The following PYGO1 variants were observed in gnomAD, a reference collection of about 807,000 sequenced individuals.
PYGO1 encodes pygopus family PHD finger 1, also known as pygopus homolog 1.
PYGO1 carries 6 observed loss-of-function variants against 29.5 expected under a neutral mutation model. That is an observed-to-expected ratio of 0.20 (90% CI 0.11 to 0.40). The LOEUF (loss-of-function observed/expected upper bound fraction) is 0.40. Among genes scored for constraint, PYGO1 ranks in the 10% least tolerant of loss-of-function variants. The pLI, the probability that PYGO1 is intolerant of heterozygous loss-of-function variation, is 1.00. For missense variants in PYGO1, 515 were observed against 514.9 expected, an observed-to-expected ratio of 1.00 and a Z score of 0.00; for synonymous variants, 186 against 180.5, an observed-to-expected ratio of 1.03 and a Z score of -0.24.
chr15:55,588,890 C>A, upstream of PYGO1: 3 of 1,608,494 alleles, frequency 1.9e-6, no homozygotes, highest in Non-Finnish European at 2.6e-6. Context: ...GTCCGCGTGG[C>A]CGTGGTGTGG....
At chr15:55,581,535 A>G (rs2141677797) in intron 1 of PYGO1, among the ~76,000 whole-genome samples, 1 of 152,322 alleles carries the variant, frequency 6.6e-6, no homozygotes, top group East Asian at 1.9e-4. Context: ...CACTATGGCA[A>G]TGCAGCATAG....
At chr15:55,549,130 T>A in intron 1 of PYGO1, 135 bp from the exon 2 acceptor site, 1 of 576,792 alleles carries the variant, frequency 1.7e-6, no homozygotes, top group Non-Finnish European at 2.7e-6. Flanking sequence ...TTATTATCAT[T>A]ATCTGTTTCA....
At position 55,548,707 on chromosome 15, in the gene PYGO1, TAAAAAAAAAAAAAAAAAAAAAAAAAAA is replaced by T. The variant is rs60796044; in HGVS notation, c.135+176_135+202del. On this transcript the variant is annotated intron_variant, in intron 2 of 2. Transcript: ENST00000563719. ...TCTGGCAACAGAGCAAGAATCCACC[TAAAAAAAAAAAAAAAAAAAAAAAAAAA>T]AAAAAAAAAAAAAAAGAAAGTACCA... is the stretch of plus-strand genomic sequence containing the variant. 1.6e-4 allele frequency among the ~76,000 whole-genome samples: 9 copies of T among 55,448 alleles called. No homozygotes were observed. In the East Asian group the frequency reaches 5.3e-3, roughly 33 times the overall value. 36.4% of individuals were successfully genotyped at this position (55,448 alleles called of 152,430 possible).
chr15:55,569,605 T>C (rs79308842), intron 1 of PYGO1, among the ~76,000 whole-genome samples: 1,704 of 152,342 alleles, frequency 0.011, 16 homozygotes, highest in Middle Eastern at 0.017. Flanking sequence ...AATTGTGTGA[T>C]TTTGAGAGAT....
chr15:55,570,712 T>A (rs1012838199), intron 1 of PYGO1, among the ~76,000 whole-genome samples: 4 of 152,170 alleles, frequency 2.6e-5, no homozygotes, highest in African/African-American at 9.6e-5. Flanking sequence ...TCCAGAATTT[T>A]AAAAAATAAT....
At chr15:55,585,664 T>A (rs2059043370) in intron 1 of PYGO1, among the ~76,000 whole-genome samples, 1 of 152,166 alleles carries the variant, frequency 6.6e-6, no homozygotes, top group African/African-American at 2.4e-5. Context: ...GCCATAGAAC[T>A]TAACAGCAGT....
chr15:55,574,358 T>C (rs1595992137), intron 1 of PYGO1, among the ~76,000 whole-genome samples: 1 of 152,208 alleles, frequency 6.6e-6, no homozygotes, highest in African/African-American at 2.4e-5. Flanking sequence ...TACTGCATCA[T>C]TGTTTACCTT....
intron 1 of PYGO1, among the ~76,000 whole-genome samples, chr15:55,566,378 C>G (rs2058956636): frequency 1.7e-5 from 2 of 115,050 alleles, no homozygotes; most frequent in South Asian, 6.3e-4. Flanking sequence ...CAGTTGCATT[C>G]ATATTGCTAC....
At chr15:55,563,867 A>G (rs191740262) in intron 1 of PYGO1, among the ~76,000 whole-genome samples, 362 of 152,336 alleles carry the variant, frequency 2.4e-3, no homozygotes, top group African/African-American at 8.2e-3. Context: ...CCGCAATGAG[A>G]TAACACTGGG....
At chr15:55,559,536 T>C (rs1280595544) in intron 1 of PYGO1, among the ~76,000 whole-genome samples, 2 of 152,266 alleles carry the variant, frequency 1.3e-5, no homozygotes, top group African/African-American at 4.8e-5. Flanking sequence ...CACACGTATG[T>C]TTACTGCAGC....
intron 1 of PYGO1, among the ~76,000 whole-genome samples, chr15:55,553,648 TG>T (rs748984659): frequency 3.3e-5 from 5 of 152,096 alleles, no homozygotes; most frequent in Non-Finnish European, 5.9e-5. Flanking sequence ...TGACCTCAAG[TG>T]ATCTACCCAC....
chr15:55,551,929 A>C (rs954303205), intron 1 of PYGO1, among the ~76,000 whole-genome samples: 2 of 152,242 alleles, frequency 1.3e-5, no homozygotes, highest in Non-Finnish European at 2.9e-5. Context: ...AGGTTGATTC[A>C]GCATATTAAA....
intron 1 of PYGO1, among the ~76,000 whole-genome samples, chr15:55,559,674 C>T (rs1026210548): frequency 3.9e-5 from 6 of 152,116 alleles, no homozygotes; most frequent in Admixed American, 6.6e-5. Flanking sequence ...GGGACTCCTC[C>T]CTAACTCATT....
chr15:55,561,157 G>A lies in PYGO1; in HGVS notation c.50-12162C>T, dbSNP rs114546996. ...AACAGACATACAGAACAACGAAACA[G>A]AAGAGAGAACTCAGAAATAAGACCA... On this transcript the variant is annotated intron_variant, in intron 1 of 2. Coordinates refer to ENST00000563719, the MANE Select transcript of PYGO1 (RefSeq NM_001367806.1). 8.6e-3 allele frequency among the ~76,000 whole-genome samples: 1,307 copies of A among 152,210 alleles called. 17 individuals are homozygous for A. The highest frequency in any genetic ancestry group is 0.029 in the African/African-American group (1,217 of 41,524).
Position 55,543,732 on chromosome 15 carries a change from G to T in PYGO1, c.*2291C>A, listed in dbSNP as rs556072437. The T allele has an allele frequency of 6.6e-6, 1 of 152,234 alleles. No homozygotes were observed. Among genetic ancestry groups the T allele is most frequent in the Non-Finnish European group, 1.5e-5 (1 of 68,006 alleles). The allele number at this position is 152,234 out of a possible 1,614,324, so 9.4% of individuals were successfully genotyped here. A position where few individuals can be genotyped will look rare whatever the true frequency, so the allele number is the denominator to read the frequency against. On this transcript the variant is annotated 3_prime_UTR_variant, in exon 3 of 3. Transcript: ENST00000563719. ...TACCATGTAAAGTGTTAACTCCTGAGAACACTGGAAAGTTCTACTCAAAAT... is the reference window on the plus strand; with the variant it reads ...TACCATGTAAAGTGTTAACTCCTGATAACACTGGAAAGTTCTACTCAAAAT...
chr15:55,548,519 A>T (rs2058862685), intron 2 of PYGO1, among the ~76,000 whole-genome samples: 1 of 151,590 alleles, frequency 6.6e-6, no homozygotes, highest in Non-Finnish European at 1.5e-5. Context: ...CATCCTGATC[A>T]ACATGGTGAA....
chr15:55,553,652 C>A (rs543312521), intron 1 of PYGO1, among the ~76,000 whole-genome samples: 5 of 152,156 alleles, frequency 3.3e-5, no homozygotes, highest in African/African-American at 7.2e-5. Context: ...CTCAAGTGAT[C>A]TACCCACCTC....
rs1224592870 is a variant in PYGO1 at position 55,546,201 on chromosome 15, G to A, written c.1082C>T (p.Ala361Val). The A allele has an allele frequency of 3.1e-6, 5 of 1,614,162 alleles. No homozygotes were observed. Among genetic ancestry groups the A allele is most frequent in the African/African-American group, 1.3e-5 (1 of 75,036 alleles). The change falls in exon 3 of 3, where the codon GCC becomes GTC. Residue 361 changes from alanine to valine, a missense_variant. By Grantham distance (64) the Ala-to-Val change is moderately conservative (BLOSUM62 0). Transcript: ENST00000563719. Reference sequence around the variant, plus strand: ...CCGATGAAACCATTTCTGACAAGAGGCCTCACATAAGATGGCATCCTGATC... The same window carrying A: ...CCGATGAAACCATTTCTGACAAGAGACCTCACATAAGATGGCATCCTGATC... ...NDDQDAILCE[A>V]SCQKWFHRIC...
In PYGO1 at chr15:55,542,015, A is replaced by G. The variant is rs1037833264; in HGVS notation, c.*4008T>C. 1 of 152,146 alleles carries G rather than the reference A, an allele frequency of 6.6e-6. No homozygotes were observed. The highest frequency in any genetic ancestry group is 2.4e-5 in the African/African-American group (1 of 41,422). 9.4% of individuals were successfully genotyped at this position (152,146 alleles called of 1,614,324 possible). ...ATGCCTTTAAATTTTTTTTTAATTG[A>G]AAAAGATATAAAACAGCACAAATGT... On this transcript the variant is annotated 3_prime_UTR_variant, in exon 3 of 3. Coordinates refer to ENST00000563719, the MANE Select transcript of PYGO1 (RefSeq NM_001367806.1).
Sources: gnomAD v4.1 joint callset for allele counts (sites outside exome capture counted in the v4.1 genomes callset) on GRCh38, gnomAD v4.1.1 for gene constraint, MANE v1.5 for transcripts, NCBI Gene and HGNC (gene_info 2026-07-23, HGNC 2026-07-21) for gene names.